Variants in NALF1 observed in about 807,000 individuals in gnomAD.
NALF1 encodes family with sequence similarity 155 member A.
In NALF1, 3 loss-of-function variants were observed where a neutral mutation model predicts 48.4. The observed-to-expected ratio is 0.06, with a 90% CI of 0.03 to 0.16. NALF1 has a LOEUF of 0.16. Among genes scored for constraint, NALF1 ranks in the 10% least tolerant of loss-of-function variants. The pLI is 1.00. For synonymous variants in NALF1, 262 were observed against 245.7 expected, an observed-to-expected ratio of 1.07 and a Z score of -0.62; for missense variants, 526 against 571.5, an observed-to-expected ratio of 0.92 and a Z score of 0.81.
chr13:107,228,912 C>T (rs747377495), intron 1 of NALF1, among the ~76,000 whole-genome samples: 11 of 151,964 alleles, frequency 7.2e-5, no homozygotes, highest in South Asian at 2.1e-4. Context: ...TGAGCCACCA[C>T]GCCCGCCTGG....
At chr13:107,795,716 TGCAA>T (rs1172566724) in intron 1 of NALF1, among the ~76,000 whole-genome samples, 4 of 152,186 alleles carry the variant, frequency 2.6e-5, no homozygotes, top group Admixed American at 2.6e-4. Context: ...TTTTACAATT[TGCAA>T]GCAAAGTTAT....
At chr13:107,305,501 T>G (rs1264377434) in intron 1 of NALF1, among the ~76,000 whole-genome samples, 2 of 152,224 alleles carry the variant, frequency 1.3e-5, no homozygotes, top group Non-Finnish European at 2.9e-5. Flanking sequence ...GTCTTTAAAC[T>G]TATCTTCTGC....
chr13:107,736,790 G>T (rs1167805000), intron 1 of NALF1, among the ~76,000 whole-genome samples: 1 of 152,194 alleles, frequency 6.6e-6, no homozygotes, highest in East Asian at 1.9e-4. Context: ...GGCACTGATA[G>T]ATGAGAAAAA....
At chr13:107,405,745 C>T (rs756230269) in intron 1 of NALF1, among the ~76,000 whole-genome samples, 1 of 151,794 alleles carries the variant, frequency 6.6e-6, no homozygotes, top group Non-Finnish European at 1.5e-5. Flanking sequence ...ATTGAGAGGA[C>T]CATAAAGCAC....
At chr13:107,335,884 G>C (rs916233732) in intron 1 of NALF1, among the ~76,000 whole-genome samples, 7 of 152,006 alleles carry the variant, frequency 4.6e-5, no homozygotes, top group Admixed American at 4.6e-4. Flanking sequence ...ATCTTATCTT[G>C]ATCCTTTTAT....
intron 1 of NALF1, among the ~76,000 whole-genome samples, chr13:107,575,783 G>A (rs1878122408): frequency 6.6e-6 from 1 of 152,120 alleles, no homozygotes; most frequent in South Asian, 2.1e-4. Context: ...TAGCATCTAA[G>A]GTGATTTTAC....
At position 107,203,836 on chromosome 13, in the gene NALF1, C is replaced by T. The variant is rs975554418; in HGVS notation, c.1087+6748G>A. ...CCAGGCAAGGTGTAGCAATGAGAAGCAGAAGGATAACTTGAACTACGTTAG... is the reference window on the plus strand; with the variant it reads ...CCAGGCAAGGTGTAGCAATGAGAAGTAGAAGGATAACTTGAACTACGTTAG... On this transcript the variant is annotated intron_variant, in intron 2 of 2. Coordinates refer to ENST00000375915, the MANE Select transcript of NALF1 (RefSeq NM_001080396.3). 2.6e-5 allele frequency among the ~76,000 whole-genome samples: 4 copies of T among 152,236 alleles called. No homozygotes were observed. In the East Asian group the frequency reaches 7.7e-4, roughly 29 times the overall value.
At chr13:107,516,386 T>C (rs1207514262) in intron 1 of NALF1, among the ~76,000 whole-genome samples, 1 of 152,198 alleles carries the variant, frequency 6.6e-6, no homozygotes, top group Admixed American at 6.5e-5. Context: ...AAGTGTACCA[T>C]ATTAACAATC....
chr13:107,210,268 T>C (rs1474480635), intron 2 of NALF1, among the ~76,000 whole-genome samples: 3 of 152,214 alleles, frequency 2.0e-5, no homozygotes, highest in African/African-American at 4.8e-5. Context: ...TCAAAGGCAA[T>C]GCAGGCTGAA....
intron 1 of NALF1, among the ~76,000 whole-genome samples, chr13:107,603,319 T>C (rs937888460): frequency 2.0e-5 from 3 of 152,204 alleles, no homozygotes; most frequent in African/African-American, 7.2e-5. Context: ...ACAATTCATT[T>C]CCTAAGAAGA....
intron 1 of NALF1, among the ~76,000 whole-genome samples, chr13:107,434,228 A>G (rs1884427939): frequency 6.6e-6 from 1 of 152,196 alleles, no homozygotes; most frequent in South Asian, 2.1e-4. Flanking sequence ...AAGAAATCTT[A>G]GTCAGTGGAC....
intron 1 of NALF1, among the ~76,000 whole-genome samples, chr13:107,691,788 A>C (rs1464524822): frequency 1.3e-5 from 2 of 152,234 alleles, no homozygotes; most frequent in African/African-American, 4.8e-5. Context: ...TAATGTACAA[A>C]AATAACAAAA....
rs552602682 is a variant in NALF1, at chr13:107,797,367, G to A, written c.915+68315C>T. On this transcript the variant is annotated intron_variant, in intron 1 of 2. Coordinates refer to ENST00000375915, the MANE Select transcript of NALF1 (RefSeq NM_001080396.3). ...AATACAGGCGCCCACCACCATGCCC[G>A]GCTAATTTTTTTTTCGTATTTTTAG... 7.2e-4 allele frequency among the ~76,000 whole-genome samples: 109 copies of A among 152,054 alleles called. 1 individual carries two copies. Among genetic ancestry groups the A allele is most frequent in the Middle Eastern group, 3.4e-3 (1 of 294 alleles).
At chr13:107,785,411 G>A (rs1359671072) in intron 1 of NALF1, among the ~76,000 whole-genome samples, 2 of 152,180 alleles carry the variant, frequency 1.3e-5, no homozygotes, top group East Asian at 3.9e-4. Context: ...CGACCTGGAT[G>A]AGATTGGAGA....
chr13:107,386,265 C>T (rs1482494393), intron 1 of NALF1, among the ~76,000 whole-genome samples: 4 of 152,174 alleles, frequency 2.6e-5, no homozygotes, highest in Admixed American at 6.5e-5. Context: ...AGATTATTCA[C>T]AAAATAAAGT....
In NALF1 at chr13:107,866,821, A is replaced by G; in HGVS notation, c.-225T>C. On this transcript the variant is annotated 5_prime_UTR_variant, in exon 1 of 3. It removes the in-frame stop codon of an upstream open reading frame in the 5' UTR. Transcript: ENST00000375915. The surrounding 1 kb of genome is among the most constrained non-coding windows in gnomAD (Gnocchi z 4.4). ...TGTCTCTTTTGCCTACATAAATATT[A>G]CCAGGCTTTGAAGGAAGGTCTGACT... 1 of 562,748 alleles carries G rather than the reference A, an allele frequency of 1.8e-6. No homozygotes were observed. The highest frequency in any genetic ancestry group is 3.0e-5 in the East Asian group (1 of 33,484). 34.9% of individuals were successfully genotyped at this position (562,748 alleles called of 1,614,324 possible).
intron 1 of NALF1, among the ~76,000 whole-genome samples, chr13:107,235,596 T>A (rs1880325231): frequency 6.6e-6 from 1 of 152,194 alleles, no homozygotes; most frequent in Non-Finnish European, 1.5e-5. Context: ...ACTGTGTTGT[T>A]TAAAGAATAA....
chr13:107,419,064 A>G (rs1006822974), intron 1 of NALF1, among the ~76,000 whole-genome samples: 17 of 152,216 alleles, frequency 1.1e-4, no homozygotes, highest in African/African-American at 3.9e-4. Context: ...AGCATCAGTG[A>G]AGTTTCTTGT....
chr13:107,634,212 G>T (rs187453337), intron 1 of NALF1, among the ~76,000 whole-genome samples: 58 of 152,086 alleles, frequency 3.8e-4, no homozygotes, highest in Non-Finnish European at 6.6e-4. Flanking sequence ...CAAAGATGGT[G>T]GGGAGGCAGT....
Sources: allele counts gnomAD v4.1 joint callset (sites outside exome capture counted in the v4.1 genomes callset), GRCh38; gene constraint gnomAD v4.1.1; non-coding constraint Gnocchi (gnomAD v3.1); transcripts MANE v1.5; gene names NCBI Gene and HGNC (gene_info 2026-07-23, HGNC 2026-07-21).